Variants in EBF2 observed in about 807,000 individuals in gnomAD.
The protein encoded by EBF2 is transcription factor COE2.
A neutral mutation model predicts 72.8 loss-of-function variants in EBF2; 21 were observed. That is an observed-to-expected ratio of 0.29 (90% CI 0.20 to 0.42). The LOEUF (loss-of-function observed/expected upper bound fraction) is 0.42, where lower values mean the gene tolerates loss of function less well. EBF2 is among the 10% of genes least tolerant of loss of function. The pLI, the probability that EBF2 is intolerant of heterozygous loss-of-function variation, is 1.00. For missense variants in EBF2, 637 were observed against 731.2 expected, an observed-to-expected ratio of 0.87 and a Z score of 1.49; for synonymous variants, 299 against 274.2, an observed-to-expected ratio of 1.09 and a Z score of -0.89.
chr8:26,010,780 A>T (rs1804966007), intron 6 of EBF2, among the ~76,000 whole-genome samples: 1 of 152,192 alleles, frequency 6.6e-6, no homozygotes, highest in Non-Finnish European at 1.5e-5. Flanking sequence ...TGAGGGGAAC[A>T]TTCCCTGATG....
intron 6 of EBF2, among the ~76,000 whole-genome samples, chr8:25,983,693 T>C (rs990008123): frequency 6.6e-6 from 1 of 152,248 alleles, no homozygotes; most frequent in African/African-American, 2.4e-5. Flanking sequence ...CCCCGGGCTC[T>C]AGCTGTGTAT....
intron 6 of EBF2, among the ~76,000 whole-genome samples, chr8:25,965,998 G>T (rs1356953812): frequency 6.6e-6 from 1 of 152,172 alleles, no homozygotes; most frequent in Non-Finnish European, 1.5e-5. Flanking sequence ...TCACCCAACT[G>T]ATCATTTGGG....
At position 26,022,283 on chromosome 8, in the gene EBF2, C is replaced by T. The variant is rs76014486; in HGVS notation, c.551+10802G>A. ...TTGTTGATCTTCAATTGGGTTTCTG[C>T]TCTGTAATGTGGGATAACATTTCCA... On this transcript the variant is annotated intron_variant, in intron 6 of 15. Coordinates refer to ENST00000520164, the MANE Select transcript of EBF2 (RefSeq NM_022659.4). 3.7e-3 allele frequency among the ~76,000 whole-genome samples: 567 copies of T among 152,328 alleles called. 3 individuals carry two copies. The highest frequency in any genetic ancestry group is 0.013 in the African/African-American group (551 of 41,574).
At chr8:25,957,789 C>G (rs1407693152) in intron 6 of EBF2, among the ~76,000 whole-genome samples, 1 of 152,110 alleles carries the variant, frequency 6.6e-6, no homozygotes, top group East Asian at 1.9e-4. Context: ...TCACTTGAGC[C>G]CAGGAGTTCA....
intron 6 of EBF2, among the ~76,000 whole-genome samples, chr8:26,002,880 GGGCAGGCGGGCAGGCA>G (rs1185766423): frequency 0.068 from 5,982 of 87,860 alleles, 164 homozygotes; most frequent in Non-Finnish European, 0.11. Context: ...GCGGGCAGGC[GGGCAGGCGGGCAGGCA>G]GGCGGGCAGG....
chr8:25,937,200 A>G (rs1756423145), intron 6 of EBF2, among the ~76,000 whole-genome samples: 1 of 152,230 alleles, frequency 6.6e-6, no homozygotes, highest in Non-Finnish European at 1.5e-5. Context: ...CTCTTCATTT[A>G]TTAACACAAG....
At chr8:25,922,298 T>A (rs1585196463) in intron 6 of EBF2, among the ~76,000 whole-genome samples, 1 of 152,140 alleles carries the variant, frequency 6.6e-6, no homozygotes, top group Non-Finnish European at 1.5e-5. Flanking sequence ...TGTTTCACAA[T>A]GTTTTATAAA....
chr8:25,886,972 C>G, intron 9 of EBF2, 91 bp from the exon 10 acceptor site: 1 of 1,421,652 alleles, frequency 7.0e-7, no homozygotes, highest in Non-Finnish European at 9.4e-7. Flanking sequence ...CTATTGCTCC[C>G]CAGGGGCTTC....
intron 5 of EBF2, among the ~76,000 whole-genome samples, chr8:26,038,907 A>G (rs931126656): frequency 2.0e-5 from 3 of 152,242 alleles, no homozygotes; most frequent in Admixed American, 1.3e-4. Flanking sequence ...AAAACAGTAC[A>G]CACTAAATCA....
chr8:26,033,259 G>T, intron 5 of EBF2, 106 bp from the exon 6 acceptor site: 1 of 1,094,084 alleles, frequency 9.1e-7, no homozygotes. Context: ...GTCTGGCTCT[G>T]TCACCAGGCT....
intron 15 of EBF2, among the ~76,000 whole-genome samples, chr8:25,849,911 G>T (rs1801925872): frequency 6.7e-6 from 1 of 148,516 alleles, no homozygotes; most frequent in Admixed American, 7.8e-5. Flanking sequence ...AAGAGGACAT[G>T]ATGGCAAGCG....
At position 26,003,817 on chromosome 8, in the gene EBF2, G is replaced by A. The variant is rs369040561; in HGVS notation, c.551+29268C>T. Among the ~76,000 whole-genome samples the A allele has an allele frequency of 4.6e-5, 7 of 152,190 alleles. No individual in the cohort carries two copies. In the East Asian group the frequency reaches 9.7e-4, roughly 21 times the overall value. ...ACCAAATTCACACATCCTCTGAGCC[G>A]GACCATTATATCCTTCTCCTGAAAA... On this transcript the variant is annotated intron_variant, in intron 6 of 15. Coordinates refer to ENST00000520164, the MANE Select transcript of EBF2 (RefSeq NM_022659.4).
intron 10 of EBF2, among the ~76,000 whole-genome samples, chr8:25,880,090 C>T (rs1385510041): frequency 6.6e-6 from 1 of 152,038 alleles, no homozygotes; most frequent in Non-Finnish European, 1.5e-5. Flanking sequence ...TCCTCTTTTT[C>T]CACAATGTAT....
At chr8:25,962,184 A>G (rs1441081525) in intron 6 of EBF2, among the ~76,000 whole-genome samples, 1 of 152,202 alleles carries the variant, frequency 6.6e-6, no homozygotes, top group Non-Finnish European at 1.5e-5. Context: ...GAGTAAAACA[A>G]AAAAGCAAAA....
At chr8:25,947,931 T>C (rs565939484) in intron 6 of EBF2, among the ~76,000 whole-genome samples, 2 of 152,194 alleles carry the variant, frequency 1.3e-5, no homozygotes, top group Non-Finnish European at 2.9e-5. Flanking sequence ...CCTTGTCTGT[T>C]TCCCTAGCTG....
At chr8:26,042,322 A>G in intron 1 of EBF2, 71 bp from the exon 2 acceptor site, 1 of 1,530,142 alleles carries the variant, frequency 6.5e-7, no homozygotes, top group Non-Finnish European at 8.8e-7. Context: ...CTAACCGCCC[A>G]CAACACTGCA....
chr8:25,935,068 A>C (rs897611638), intron 6 of EBF2, among the ~76,000 whole-genome samples: 5 of 151,934 alleles, frequency 3.3e-5, no homozygotes, highest in Non-Finnish European at 7.4e-5. Context: ...CGACAACTAG[A>C]CTCAATTGAC....
Position 25,924,230 on chromosome 8 carries a change from A to C in EBF2, c.552-15675T>G, listed in dbSNP as rs993025569. ...CTGAGAGATGCTGGGAGAATTACTT[A>C]GGTGCTTTGGGAAACAGCTTAAAAC... On this transcript the variant is annotated intron_variant, in intron 6 of 15. Coordinates refer to ENST00000520164, the MANE Select transcript of EBF2 (RefSeq NM_022659.4). 3.9e-5 allele frequency among the ~76,000 whole-genome samples: 6 copies of C among 152,232 alleles called. No homozygotes were observed. In the East Asian group the frequency reaches 1.2e-3, roughly 29 times the overall value.
rs376395435 is a variant in EBF2 at position 26,040,682 on chromosome 8, C to A, written c.353-11G>T. ...GTTCCGTGCGGACACCTGCGGGGAC[C>A]GGAGGGGCACGAGTCAAGGGCCGTA... is the stretch of plus-strand genomic sequence containing the variant. On this transcript the variant is annotated splice_polypyrimidine_tract_variant and intron_variant, in intron 3 of 15. Coordinates refer to ENST00000520164, the MANE Select transcript of EBF2 (RefSeq NM_022659.4). 27 of 1,553,900 alleles carry A rather than the reference C, an allele frequency of 1.7e-5. No homozygotes were observed. The highest frequency in any genetic ancestry group is 3.3e-4 in the Middle Eastern group (2 of 6,010).
Sources: allele counts gnomAD v4.1 joint callset (sites outside exome capture counted in the v4.1 genomes callset), GRCh38; gene constraint gnomAD v4.1.1; transcripts MANE v1.5; gene names NCBI Gene and HGNC (gene_info 2026-07-23, HGNC 2026-07-21).